Variants in GAN observed in about 807,000 individuals in gnomAD.
GAN encodes gigaxonin, also known as epididymis secretory sperm binding protein.
GAN carries 48 observed loss-of-function variants against 71.3 expected under a neutral mutation model. The observed-to-expected ratio is 0.67, with a 90% CI of 0.53 to 0.86. The LOEUF (loss-of-function observed/expected upper bound fraction) is 0.86, where lower values mean the gene tolerates loss of function less well. GAN is among the 40% of genes least tolerant of loss of function. The pLI is 0.00. For missense variants in GAN, 928 were observed against 770.1 expected, an observed-to-expected ratio of 1.21 and a Z score of -2.43; for synonymous variants, 386 against 276.8, an observed-to-expected ratio of 1.39 and a Z score of -3.92.
At chr16:81,365,579 T>A in intron 9 of GAN, 101 bp downstream of exon 9, 1 of 1,206,372 alleles carries the variant, frequency 8.3e-7, no homozygotes, top group Non-Finnish European at 1.2e-6. Flanking sequence ...TTTATTAAAT[T>A]ATGGATTTAG....
chr16:81,345,154 T>C (rs1275288843), intron 1 of GAN, among the ~76,000 whole-genome samples: 1 of 152,254 alleles, frequency 6.6e-6, no homozygotes, highest in African/African-American at 2.4e-5. Flanking sequence ...CTGTTGGTGG[T>C]AGTGTAAATT....
intron 1 of GAN, among the ~76,000 whole-genome samples, chr16:81,328,530 C>T (rs1909463537): frequency 6.6e-6 from 1 of 152,080 alleles, no homozygotes; most frequent in African/African-American, 2.4e-5. Flanking sequence ...GGTAAACCTA[C>T]TTTGGAGACT....
intron 9 of GAN, 51 bp from the exon 10 acceptor site, chr16:81,377,168 T>G: frequency 9.4e-7 from 1 of 1,065,502 alleles, no homozygotes; most frequent in Non-Finnish European, 1.5e-6. Context: ...TCCTAGATGT[T>G]GTTGTCATCC....
At chr16:81,358,246 G>A (rs962423616) in intron 5 of GAN, among the ~76,000 whole-genome samples, 1 of 152,160 alleles carries the variant, frequency 6.6e-6, no homozygotes, top group African/African-American at 2.4e-5. Context: ...CTGGAACACA[G>A]CGTTTCTTTG....
chr16:81,355,392 G>A (rs1270712989), intron 3 of GAN, among the ~76,000 whole-genome samples: 2 of 152,184 alleles, frequency 1.3e-5, no homozygotes, highest in East Asian at 1.9e-4. Context: ...GTCTCAGTCT[G>A]TCTCCCAGGC....
intron 9 of GAN, among the ~76,000 whole-genome samples, chr16:81,371,231 C>G (rs1417774092): frequency 1.3e-5 from 2 of 152,122 alleles, no homozygotes; most frequent in East Asian, 3.9e-4. Context: ...TTTCCTTTCC[C>G]TTACTGAGCA....
chr16:81,363,684 G>C, intron 6 of GAN, 110 bp from the exon 7 acceptor site: 5 of 1,075,264 alleles, frequency 4.7e-6, no homozygotes, highest in Non-Finnish European at 7.2e-6. Context: ...AGTCCCCATT[G>C]TCTATTTTTG....
At chr16:81,353,922 G>A (rs968476517) in intron 2 of GAN, among the ~76,000 whole-genome samples, 1 of 152,164 alleles carries the variant, frequency 6.6e-6, no homozygotes, top group Non-Finnish European at 1.5e-5. Context: ...TGAAACACTG[G>A]AAACCCCTCT....
intron 3 of GAN, 95 bp from the exon 4 acceptor site, chr16:81,356,690 C>T (rs1910495854): frequency 1.1e-6 from 1 of 875,022 alleles, no homozygotes; most frequent in Non-Finnish European, 2.0e-6. Context: ...TGAGTGTTAA[C>T]AGTTTGTTTT....
chr16:81,349,953 T>C (rs1910243726), intron 1 of GAN, among the ~76,000 whole-genome samples: 2 of 151,712 alleles, frequency 1.3e-5, no homozygotes, highest in African/African-American at 4.8e-5. Flanking sequence ...TTCACTTGAA[T>C]TTTTTTTTAA....
Position 81,386,499 on chromosome 16 carries a change from A to G in GAN, c.*8903A>G, listed in dbSNP as rs1020604660. 6.6e-6 allele frequency: 1 copy of G among 152,278 alleles called. No homozygotes were observed. The highest frequency in any genetic ancestry group is 1.5e-5 in the Non-Finnish European group (1 of 68,046). The allele number at this position is 152,278 out of a possible 1,614,324, so 9.4% of individuals were successfully genotyped here. The stretch of plus-strand genomic sequence containing the variant: ...AGAAGGTTATTTAACAAAGTGGTAC[A>G]AACAGTGAACTACTTAATCCTTCTA... On this transcript the variant is annotated 3_prime_UTR_variant, in exon 11 of 11. Transcript: ENST00000648994.
chr16:81,315,746 C>G (rs535708912), intron 1 of GAN, among the ~76,000 whole-genome samples: 1 of 152,244 alleles, frequency 6.6e-6, no homozygotes, highest in Admixed American at 6.5e-5. Context: ...GCCTCTGAAT[C>G]CACGCGCGGG....
At chr16:81,337,048 C>A (rs1197618301) in intron 1 of GAN, among the ~76,000 whole-genome samples, 1 of 152,090 alleles carries the variant, frequency 6.6e-6, no homozygotes, top group Non-Finnish European at 1.5e-5. Flanking sequence ...TACAGTATCA[C>A]CCAGAGTAGT....
At chr16:81,353,084 G>C (rs540196219) in intron 2 of GAN, among the ~76,000 whole-genome samples, 9 of 152,164 alleles carry the variant, frequency 5.9e-5, no homozygotes, top group African/African-American at 2.2e-4. Flanking sequence ...GAGGTCAGGA[G>C]ATCGAGACCA....
At chr16:81,328,649 AT>A (rs10690232) in intron 1 of GAN, among the ~76,000 whole-genome samples, 4 of 147,042 alleles carry the variant, frequency 2.7e-5, no homozygotes, top group Non-Finnish European at 3.0e-5. Context: ...TGTGTATCTT[AT>A]TTTTTTTTTT....
At chr16:81,350,709 G>A (rs1233717414) in intron 1 of GAN, among the ~76,000 whole-genome samples, 2 of 151,864 alleles carry the variant, frequency 1.3e-5, no homozygotes, top group African/African-American at 4.8e-5. Context: ...AGTAGAGATG[G>A]GGTTTCACCA....
chr16:81,315,224 CG>C lies in GAN; in HGVS notation c.115del (p.Glu39ArgfsTer21). On this transcript the variant is annotated frameshift_variant, in exon 1 of 11. Transcript: ENST00000648994. LOFTEE classifies it high-confidence loss of function. ...RFCDAHLVLD[G>X]EEIPVQKNIL... ...TCTGCGACGCGCACCTGGTCCTCGACGGGGAGGAGATCCCGGTGCAGAAGAA... is the reference window on the plus strand; with the variant it reads ...TCTGCGACGCGCACCTGGTCCTCGACGGGAGGAGATCCCGGTGCAGAAGAA... 1 of 1,581,044 alleles carries C rather than the reference CG, an allele frequency of 6.3e-7. No homozygotes were observed. Among genetic ancestry groups the C allele is most frequent in the South Asian group, 1.2e-5 (1 of 86,850 alleles).
chr16:81,347,432 C>T (rs1467628442), intron 1 of GAN, among the ~76,000 whole-genome samples: 1 of 152,198 alleles, frequency 6.6e-6, no homozygotes, highest in Non-Finnish European at 1.5e-5. Context: ...GCTGTCATTC[C>T]AGGATCATTC....
chr16:81,324,680 G>C (rs957152299), intron 1 of GAN, among the ~76,000 whole-genome samples: 5 of 152,208 alleles, frequency 3.3e-5, no homozygotes, highest in African/African-American at 9.6e-5. Flanking sequence ...CTGGGGAGGT[G>C]ATAGGATATG....
Sources: gnomAD v4.1 joint callset for allele counts (sites outside exome capture counted in the v4.1 genomes callset) on GRCh38, gnomAD v4.1.1 for gene constraint, MANE v1.5 for transcripts, NCBI Gene and HGNC (gene_info 2026-07-23, HGNC 2026-07-21) for gene names.